Variants in CDH17 observed in about 807,000 individuals in gnomAD.
The protein encoded by CDH17 is cadherin-17.
Under a neutral mutation model 86.3 loss-of-function variants are expected in CDH17, and 67 were observed. The ratio of observed to expected loss-of-function variants is 0.78; its 90% CI spans 0.64 to 0.95. The LOEUF (loss-of-function observed/expected upper bound fraction) is 0.95, where lower values mean the gene tolerates loss of function less well. Ranked by LOEUF, CDH17 falls within the 40% of genes least tolerant of loss-of-function variation. CDH17 has a pLI of 0.00. For synonymous variants in CDH17, 367 were observed against 366.4 expected (o/e 1.00, Z -0.02); for missense variants, 993 against 1,017.6 (o/e 0.98, Z 0.33).
chr8:94,194,571 G>C, intron 2 of CDH17, 64 bp downstream of exon 2: 1 of 1,075,416 alleles, frequency 9.3e-7, no homozygotes, highest in Admixed American at 1.9e-5. Flanking sequence ...TCCCTGGTGT[G>C]GGGTAGAAAG....
chr8:94,168,828 G>A (rs1813215879), intron 9 of CDH17, among the ~76,000 whole-genome samples: 1 of 152,140 alleles, frequency 6.6e-6, no homozygotes, highest in African/African-American at 2.4e-5. Flanking sequence ...CCTGTTGAGT[G>A]CAGGCTGGAC....
At chr8:94,191,028 G>C (rs577887191) in intron 2 of CDH17, among the ~76,000 whole-genome samples, 80 of 152,324 alleles carry the variant, frequency 5.3e-4, no homozygotes, top group Non-Finnish European at 1.1e-3. Flanking sequence ...CCACCACAGA[G>C]ACCGGTAAAC....
At chr8:94,141,750 TATACCATGTTC>T (rs1812642419) in intron 15 of CDH17, among the ~76,000 whole-genome samples, 1 of 152,178 alleles carries the variant, frequency 6.6e-6, no homozygotes, top group South Asian at 2.1e-4. Context: ...AATGGAGACA[TATACCATGTTC>T]ATGAATTGGA....
Position 94,147,480 on chromosome 8 carries a change from A to G in CDH17, c.1927+1264T>C, listed in dbSNP as rs189439602. Among the ~76,000 whole-genome samples, 604 of 151,200 alleles carry G rather than the reference A, an allele frequency of 4.0e-3. 5 individuals carry two copies. The highest frequency in any genetic ancestry group is 5.0e-3 in the Non-Finnish European group (343 of 68,006). ...TCTCAACCCTGGCCCTCACATTTTGAAAGTTTTTTTCCGGGGCTGTGGTGG... is the reference window on the plus strand; with the variant it reads ...TCTCAACCCTGGCCCTCACATTTTGGAAGTTTTTTTCCGGGGCTGTGGTGG... On this transcript the variant is annotated intron_variant, in intron 14 of 17. Coordinates refer to ENST00000027335, the MANE Select transcript of CDH17 (RefSeq NM_004063.4).
intron 1 of CDH17, chr8:94,202,932 CT>C: frequency 3.1e-6 from 1 of 323,548 alleles, no homozygotes; most frequent in Non-Finnish European, 6.0e-6. Flanking sequence ...GGATTTTGGG[CT>C]TCCCCTTCTT....
intron 3 of CDH17, among the ~76,000 whole-genome samples, chr8:94,185,227 T>C (rs796949420): frequency 4.8e-4 from 72 of 150,448 alleles, no homozygotes; most frequent in African/African-American, 1.7e-3. Flanking sequence ...AAAATCCCCT[T>C]CATCTTCCTC....
intron 3 of CDH17, among the ~76,000 whole-genome samples, chr8:94,186,163 G>C (rs1010996860): frequency 1.3e-5 from 2 of 152,064 alleles, no homozygotes. Flanking sequence ...AACACTGTCT[G>C]AGACCTCTCC....
intron 12 of CDH17, among the ~76,000 whole-genome samples, chr8:94,157,321 C>A (rs866954504): frequency 5.3e-5 from 8 of 152,124 alleles, no homozygotes; most frequent in Admixed American, 2.6e-4. Context: ...ACATAAAAAA[C>A]CAAATTATAT....
At chr8:94,161,880 G>A (rs539390621) in intron 11 of CDH17, among the ~76,000 whole-genome samples, 2 of 152,238 alleles carry the variant, frequency 1.3e-5, no homozygotes, top group South Asian at 4.2e-4. Flanking sequence ...GTTTATAAAT[G>A]AATGTTCCCA....
intron 1 of CDH17, chr8:94,197,435 C>T (rs192326435): frequency 3.7e-4 from 56 of 152,304 alleles, no homozygotes; most frequent in African/African-American, 1.2e-3. Context: ...GGCCTAGCAA[C>T]GCAGCACTGC....
intron 14 of CDH17, among the ~76,000 whole-genome samples, chr8:94,146,977 A>G (rs570925454): frequency 6.6e-6 from 1 of 151,670 alleles, no homozygotes; most frequent in African/African-American, 2.4e-5. Context: ...GTCTATGTCC[A>G]TGGCTATACT....
At chr8:94,130,003 G>A (rs1471681581) in intron 17 of CDH17, among the ~76,000 whole-genome samples, 3 of 152,148 alleles carry the variant, frequency 2.0e-5, no homozygotes, top group Non-Finnish European at 4.4e-5. Flanking sequence ...AGCATTTTGG[G>A]TAAGGAAACA....
chr8:94,209,154 T>C (rs1035467059), upstream of CDH17, among the ~76,000 whole-genome samples: 3 of 151,944 alleles, frequency 2.0e-5, no homozygotes, highest in South Asian at 2.1e-4. Flanking sequence ...AGTCCTTTTT[T>C]CCCCCCCACA....
At chr8:94,160,810 G>A (rs566925066) in intron 11 of CDH17, among the ~76,000 whole-genome samples, 241 of 152,274 alleles carry the variant, frequency 1.6e-3, no homozygotes, top group South Asian at 2.9e-3. Context: ...AACACCTTAC[G>A]GAGTAGTTAT....
chr8:94,205,731 T>C (rs1814014008), intron 1 of CDH17, among the ~76,000 whole-genome samples: 1 of 152,142 alleles, frequency 6.6e-6, no homozygotes, highest in South Asian at 2.1e-4. Flanking sequence ...TTTTAAAAAA[T>C]AGCAAATGCT....
intron 1 of CDH17, among the ~76,000 whole-genome samples, chr8:94,203,759 A>C (rs549829164): frequency 6.6e-6 from 1 of 152,170 alleles, no homozygotes. Context: ...TCACACTTCA[A>C]ACAGATTACT....
In CDH17 at chr8:94,174,141, TCTGA is replaced by T. The variant is rs1233788052; in HGVS notation, c.540_543del (p.Phe180LeufsTer19). The T allele has an allele frequency of 2.5e-6, 4 of 1,613,858 alleles. No individual in the cohort carries two copies. The highest frequency in any genetic ancestry group is 3.4e-6 in the Non-Finnish European group (4 of 1,179,858). Reference sequence around the variant, plus strand: ...GAGATGGCTCCCGTTTTGTTGTTGATCTGAAAGTACATGACATTGTTGATCATGG... The same window carrying T: ...GAGATGGCTCCCGTTTTGTTGTTGATAAGTACATGACATTGTTGATCATGG... On this transcript the variant is annotated frameshift_variant, in exon 6 of 18. Coordinates refer to ENST00000027335, the MANE Select transcript of CDH17 (RefSeq NM_004063.4). LOFTEE classifies it high-confidence loss of function.
upstream of CDH17, among the ~76,000 whole-genome samples, chr8:94,210,289 C>T (rs1299166632): frequency 1.3e-5 from 2 of 148,188 alleles, no homozygotes; most frequent in Non-Finnish European, 3.0e-5. Flanking sequence ...GAGCCCATTC[C>T]TGTTGGAAGA....
At chr8:94,216,335 C>A (rs1309286386) in intron 1 of CDH17, among the ~76,000 whole-genome samples, 1 of 152,144 alleles carries the variant, frequency 6.6e-6, no homozygotes, top group Admixed American at 6.5e-5. Flanking sequence ...ACAGGAGCAG[C>A]CCACAGTGCA....
Sources: gnomAD v4.1 joint callset for allele counts (sites outside exome capture counted in the v4.1 genomes callset) on GRCh38, gnomAD v4.1.1 for gene constraint, MANE v1.5 for transcripts, NCBI Gene and HGNC (gene_info 2026-07-23, HGNC 2026-07-21) for gene names.